TDRD3: variants seen among roughly 807,000 people sequenced by gnomAD.
TDRD3 encodes tudor domain containing 3, also known as tudor domain-containing protein 3.
Under a neutral mutation model 86.7 loss-of-function variants are expected in TDRD3, and 45 were observed. That is an observed-to-expected ratio of 0.52 (90% confidence interval 0.41 to 0.67). The LOEUF is 0.67. Among genes scored for constraint, TDRD3 ranks in the 30% least tolerant of loss-of-function variants. The probability of loss-of-function intolerance (pLI) is 0.00; values close to 1 mark genes in which losing one functional copy is unlikely to be tolerated. For synonymous variants in TDRD3, 298 were observed against 301.7 expected, an observed-to-expected ratio of 0.99 and a Z score of 0.13; for missense variants, 814 against 889.0, an observed-to-expected ratio of 0.92 and a Z score of 1.07.
intron 5 of TDRD3, among the ~76,000 whole-genome samples, chr13:60,468,340 T>G (rs1033415969): frequency 9.2e-5 from 14 of 152,192 alleles, no homozygotes; most frequent in Non-Finnish European, 2.9e-5. Context: ...TCTCTCCTGA[T>G]CCCCGCATAG....
intron 10 of TDRD3, among the ~76,000 whole-genome samples, chr13:60,518,520 TA>T (rs540354529): frequency 6.6e-6 from 1 of 151,594 alleles, no homozygotes; most frequent in African/African-American, 2.4e-5. Context: ...AATTGTGATT[TA>T]AAAAAAAACT....
chr13:60,495,043 T>C (rs1326660269), intron 8 of TDRD3, among the ~76,000 whole-genome samples: 1 of 152,220 alleles, frequency 6.6e-6, no homozygotes, highest in Admixed American at 6.5e-5. Context: ...ATTTCTGGCA[T>C]GCTGTAGTGT....
intron 1 of TDRD3, among the ~76,000 whole-genome samples, chr13:60,402,189 A>G (rs1333893153): frequency 6.6e-6 from 1 of 152,156 alleles, no homozygotes; most frequent in Non-Finnish European, 1.5e-5. Flanking sequence ...AAATTCAGAT[A>G]CCCAGCCTGC....
At chr13:60,461,532 T>C (rs886938444) in intron 4 of TDRD3, among the ~76,000 whole-genome samples, 11 of 152,286 alleles carry the variant, frequency 7.2e-5, no homozygotes, top group Admixed American at 6.5e-4. Context: ...TGGTCTTCTT[T>C]GTCATTTTAT....
chr13:60,511,715 C>T (rs1441154617), intron 10 of TDRD3, among the ~76,000 whole-genome samples: 1 of 152,156 alleles, frequency 6.6e-6, no homozygotes, highest in Non-Finnish European at 1.5e-5. Flanking sequence ...CAGGCTCACC[C>T]ATTCTAGCAG....
intron 5 of TDRD3, among the ~76,000 whole-genome samples, chr13:60,469,950 C>T (rs542418437): frequency 3.9e-5 from 6 of 152,276 alleles, no homozygotes; most frequent in African/African-American, 1.4e-4. Context: ...TAAGAACATT[C>T]GCATTGTTGC....
chr13:60,564,913 C>T (rs1026600202), intron 12 of TDRD3, among the ~76,000 whole-genome samples: 1 of 151,974 alleles, frequency 6.6e-6, no homozygotes, highest in African/African-American at 2.4e-5. Flanking sequence ...TAGCCATATA[C>T]TATAAGAAGT....
At chr13:60,486,309 C>T (rs117868870) in intron 7 of TDRD3, among the ~76,000 whole-genome samples, 1 of 152,020 alleles carries the variant, frequency 6.6e-6, no homozygotes, top group Admixed American at 6.6e-5. Context: ...ATAATTTCCC[C>T]TTATTAATAG....
At chr13:60,531,350 A>G (rs1164081417) in intron 11 of TDRD3, among the ~76,000 whole-genome samples, 2 of 152,172 alleles carry the variant, frequency 1.3e-5, no homozygotes. Context: ...TTATATTTAG[A>G]TATTTCTCCT....
At chr13:60,523,567 ATTTTTC>A (rs1343151039) in intron 10 of TDRD3, among the ~76,000 whole-genome samples, 74 of 132,242 alleles carry the variant, frequency 5.6e-4, no homozygotes, top group African/African-American at 2.0e-3. Context: ...TTTGCAATAC[ATTTTTC>A]TTTTTTTTTT....
chr13:60,490,540 A>G (rs1956563207), intron 7 of TDRD3, among the ~76,000 whole-genome samples: 1 of 152,186 alleles, frequency 6.6e-6, no homozygotes. Context: ...TCAAGGAGAA[A>G]TGGGAGCCTT....
chr13:60,517,639 T>A (rs1957203749), intron 10 of TDRD3, among the ~76,000 whole-genome samples: 3 of 152,252 alleles, frequency 2.0e-5, no homozygotes, highest in Admixed American at 2.0e-4. Flanking sequence ...CTTGAATTTT[T>A]CTTCCTGTAA....
chr13:60,567,890 A>ATT lies in TDRD3; in HGVS notation c.*9+257_*9+258dup, dbSNP rs58242240. 1.4e-4 allele frequency among the ~76,000 whole-genome samples: 19 copies of ATT among 132,942 alleles called. 1 individual carries two copies. Among genetic ancestry groups the ATT allele is most frequent in the East Asian group, 6.7e-4 (3 of 4,472 alleles). The allele number at this position is 132,942 out of a possible 152,430, so 87.2% of individuals were successfully genotyped here. On this transcript the variant is annotated intron_variant, in intron 13 of 13. Coordinates refer to ENST00000377881, the MANE Select transcript of TDRD3 (RefSeq NM_001146070.2). ...AGGCATCCACCACCATGCCCAGCTGATTTTTTTTTTTTTTTTTTGTATTTT... is the reference window on the plus strand; with the variant it reads ...AGGCATCCACCACCATGCCCAGCTGATTTTTTTTTTTTTTTTTTTTGTATTTT...
intron 7 of TDRD3, among the ~76,000 whole-genome samples, chr13:60,486,359 AATC>A (rs1234119411): frequency 3.2e-4 from 48 of 152,282 alleles, no homozygotes; most frequent in African/African-American, 1.1e-3. Context: ...GATGAATAAA[AATC>A]AGCGGATCTG....
intron 1 of TDRD3, among the ~76,000 whole-genome samples, chr13:60,429,563 G>T (rs909383922): frequency 6.6e-5 from 10 of 152,110 alleles, no homozygotes; most frequent in Admixed American, 2.6e-4. Context: ...GGCAGAAACA[G>T]TTGCACAGTC....
intron 3 of TDRD3, among the ~76,000 whole-genome samples, chr13:60,450,638 T>A (rs985903502): frequency 2.0e-5 from 3 of 152,166 alleles, no homozygotes; most frequent in African/African-American, 4.8e-5. Context: ...GAAAATATAT[T>A]TTTTTAATCA....
In TDRD3 at chr13:60,528,430, A is replaced by T. The variant is rs1337103761; in HGVS notation, c.1205A>T (p.Asn402Ile). ...TACAGATCATCAAATACTGAGCAAA[A>T]TGGAGTAAAAGATAATAATCATCTG... ...GQYRSSNTEQNGVKDNNHLRH... is the reference protein window; with the variant it reads ...GQYRSSNTEQIGVKDNNHLRH... The change falls in exon 11 of 14, where the codon AAT (asparagine) becomes ATT (isoleucine). Residue 402 changes from asparagine (N) to isoleucine (I), a missense_variant. Asn to Ile is a moderately radical substitution (Grantham distance 149). Transcript: ENST00000377881. 1.9e-6 allele frequency: 3 copies of T among 1,610,162 alleles called. No individual in the cohort carries two copies. The highest frequency in any genetic ancestry group is 1.7e-6 in the Non-Finnish European group (2 of 1,177,950).
At chr13:60,535,903 C>T (rs888541551) in intron 12 of TDRD3, 1 of 152,094 alleles carries the variant, frequency 6.6e-6, no homozygotes, top group African/African-American at 2.4e-5. Context: ...AACAGGAATA[C>T]AAGACATATT....
rs190280008 is a variant in TDRD3 at position 60,550,820 on chromosome 13, C to G, written c.2118+15587C>G. On this transcript the variant is annotated intron_variant, in intron 12 of 13. Coordinates refer to ENST00000377881, the MANE Select transcript of TDRD3 (RefSeq NM_001146070.2). ...TGGCATTATAAAAAATAAAACTTTACATTTGTGAAGTAATAGTAATAGCTC... is the reference window on the plus strand; with the variant it reads ...TGGCATTATAAAAAATAAAACTTTAGATTTGTGAAGTAATAGTAATAGCTC... 2.1e-3 allele frequency among the ~76,000 whole-genome samples: 320 copies of G among 152,206 alleles called. 3 individuals are homozygous for G. Among genetic ancestry groups the G allele is most frequent in the African/African-American group, 7.2e-3 (301 of 41,538 alleles).
Sources: gnomAD v4.1 joint callset for allele counts (sites outside exome capture counted in the v4.1 genomes callset) on GRCh38, gnomAD v4.1.1 for gene constraint, MANE v1.5 for transcripts, NCBI Gene and HGNC (gene_info 2026-07-23, HGNC 2026-07-21) for gene names.